Variants in GREB1 observed in about 807,000 individuals in gnomAD.
GREB1 encodes the protein growth regulating estrogen receptor binding 1.
GREB1 carries 106 observed loss-of-function variants against 200.7 expected under a neutral mutation model. That is an observed-to-expected ratio of 0.53 (90% CI 0.45 to 0.62). The LOEUF is 0.62. Ranked by LOEUF, GREB1 falls within the 20% of genes least tolerant of loss-of-function variation. The pLI is 0.00. For synonymous variants in GREB1, 1,132 were observed against 1,092.4 expected, an observed-to-expected ratio of 1.04 and a Z score of -0.72; for missense variants, 2,243 against 2,556.8, an observed-to-expected ratio of 0.88 and a Z score of 2.65.
chr2:11,571,708 A>G (rs948308221), intron 4 of GREB1, among the ~76,000 whole-genome samples: 1 of 151,842 alleles, frequency 6.6e-6, no homozygotes, highest in African/African-American at 2.4e-5. Flanking sequence ...TTAATGAACC[A>G]TGCATTTTTT....
chr2:11,498,455 A>G (rs925201442), intron 1 of GREB1, among the ~76,000 whole-genome samples: 4 of 152,186 alleles, frequency 2.6e-5, no homozygotes, highest in Non-Finnish European at 4.4e-5. Flanking sequence ...ATATATAGGG[A>G]CACAACAGTA....
At chr2:11,608,297 C>T (rs563914510) in intron 17 of GREB1, among the ~76,000 whole-genome samples, 3 of 152,222 alleles carry the variant, frequency 2.0e-5, no homozygotes, top group Non-Finnish European at 2.9e-5. Context: ...GATTTTTAAC[C>T]ATATAGAATA....
chr2:11,557,673 T>C (rs1482890047), intron 2 of GREB1, among the ~76,000 whole-genome samples: 1 of 152,194 alleles, frequency 6.6e-6, no homozygotes, highest in Non-Finnish European at 1.5e-5. Context: ...GATAGTTGCT[T>C]ATTCTAGCAG....
chr2:11,550,761 C>T (rs541225481), intron 1 of GREB1, among the ~76,000 whole-genome samples: 2 of 152,284 alleles, frequency 1.3e-5, no homozygotes, highest in South Asian at 2.1e-4. Context: ...TCTTGTCTGC[C>T]GTGATTTTCT....
rs973650792 is a variant in GREB1, at chr2:11,633,975, C to T, written c.4992-156C>T. Among the ~76,000 whole-genome samples the T allele has an allele frequency of 6.6e-6, 1 of 152,238 alleles. No individual in the cohort carries two copies. Among genetic ancestry groups the T allele is most frequent in the African/African-American group, 2.4e-5 (1 of 41,458 alleles). ...CAGAAATGAGCGCCCGTGGGAAGCG[C>T]CCAGCAGGGTGCCTGGCCCTGGGGG... On this transcript the variant is annotated intron_variant, in intron 28 of 32. Transcript: ENST00000381486. This position sits in a 1 kb window ranked among gnomAD's most constrained non-coding sequence, Gnocchi z 4.1.
chr2:11,556,820 A>C (rs772610437), intron 2 of GREB1, 49 bp downstream of exon 2: 1 of 1,404,346 alleles, frequency 7.1e-7, no homozygotes. Context: ...TATTGTGCGC[A>C]GTTAATGTTA....
chr2:11,545,341 A>G (rs750331900), intron 1 of GREB1, among the ~76,000 whole-genome samples: 39 of 152,108 alleles, frequency 2.6e-4, no homozygotes, highest in Non-Finnish European at 4.9e-4. Context: ...CATGTTGGCC[A>G]GGCTGGTCTC....
chr2:11,623,362 C>T (rs1447451484), intron 23 of GREB1, among the ~76,000 whole-genome samples: 1 of 152,188 alleles, frequency 6.6e-6, no homozygotes, highest in East Asian at 1.9e-4. Context: ...ATAGTATACA[C>T]CTTCTACTTA....
At position 11,548,628 on chromosome 2, in the gene GREB1, C is replaced by T. The variant is rs992788224; in HGVS notation, c.-161-7826C>T. On this transcript the variant is annotated intron_variant, in intron 1 of 32. Transcript: ENST00000381486. This position sits in a 1 kb window ranked among gnomAD's most constrained non-coding sequence, Gnocchi z 5.1. ...ATTAAATCTGTTGCCCTGTTTTCTT[C>T]TTGGAGGCCTCCTTCCTGGAGCCTT... Among the ~76,000 whole-genome samples the T allele has an allele frequency of 1.1e-4, 17 of 152,092 alleles. No individual in the cohort carries two copies. Among genetic ancestry groups the T allele is most frequent in the African/African-American group, 4.1e-4 (17 of 41,388 alleles).
rs1374518669 is a variant in GREB1, at chr2:11,563,591, G to A, written c.277+1009G>A. On this transcript the variant is annotated intron_variant, in intron 3 of 32. Transcript: ENST00000381486. Reference sequence around the variant, plus strand: ...CTTGGGCATCAGACACAACTGGAACGTGCAGGCCATGCTGCTTAGCAGATA... The same window carrying A: ...CTTGGGCATCAGACACAACTGGAACATGCAGGCCATGCTGCTTAGCAGATA... Among the ~76,000 whole-genome samples, 5 of 152,334 alleles carry A rather than the reference G, an allele frequency of 3.3e-5. No individual in the cohort carries two copies. In the East Asian group the frequency reaches 5.8e-4, roughly 18 times the overall value.
Position 11,556,646 on chromosome 2 carries a change from C to T in GREB1, c.32C>T (p.Thr11Met), listed in dbSNP as rs1051864098. The T allele has an allele frequency of 5.0e-6, 8 of 1,613,198 alleles. No homozygotes were observed. The highest frequency in any genetic ancestry group is 1.6e-4 in the Middle Eastern group (1 of 6,078). The change falls in exon 2 of 33, where the codon ACG becomes ATG. Residue 11 changes from threonine (T) to methionine (M), a missense_variant. By Grantham distance (81) the Thr-to-Met change is moderately conservative. Transcript: ENST00000381486. ...AATTCTTACGCTGGACAGCTGAAGACGACACGCTTTGAAGAGGTCTTGCAC... is the reference window on the plus strand; with the variant it reads ...AATTCTTACGCTGGACAGCTGAAGATGACACGCTTTGAAGAGGTCTTGCAC... MGNSYAGQLK[T>M]TRFEEVLHNS... is the part of the protein sequence containing the mutation.
In GREB1 at chr2:11,618,334, C is replaced by T. The variant is rs994817016; in HGVS notation, c.3459C>T (p.Pro1153=). 1 of 1,604,200 alleles carries T rather than the reference C, an allele frequency of 6.2e-7. No homozygotes were observed. Among genetic ancestry groups the T allele is most frequent in the African/African-American group, 1.3e-5 (1 of 74,462 alleles). The change falls in exon 22 of 33, where the codon CCC becomes CCT. Residue 1153 remains proline, a synonymous_variant. Coordinates refer to ENST00000381486, the MANE Select transcript of GREB1 (RefSeq NM_014668.4). ...CCTCGGCTCAGCCCACAGCACTCCC[C>T]CAGGGAGAGCATGCCAGGTCGCCCC... ...GESSAQPTAL[P]QGEHARSPQP... is the part of the protein sequence containing the mutation.
chr2:11,483,685 GGGGTGTGTGTGTGTGTGTGT>G (rs1672573668), intron 1 of GREB1, among the ~76,000 whole-genome samples: 1 of 102,032 alleles, frequency 9.8e-6, no homozygotes, highest in African/African-American at 4.0e-5. Context: ...AGTACAAGAA[GGGGTGTGTGTGTGTGTGTGT>G]GTGTGTGTGT....
chr2:11,577,119 G>A (rs150736314), intron 5 of GREB1, among the ~76,000 whole-genome samples: 1 of 152,256 alleles, frequency 6.6e-6, no homozygotes, highest in Non-Finnish European at 1.5e-5. Context: ...AAGTATTTGG[G>A]GCAGTGGTTC....
intron 1 of GREB1, among the ~76,000 whole-genome samples, chr2:11,552,748 AC>A (rs1286899945): frequency 6.6e-6 from 1 of 152,040 alleles, no homozygotes; most frequent in Non-Finnish European, 1.5e-5. Flanking sequence ...GCGGTGGCTC[AC>A]GCCTGTAATC....
At chr2:11,552,750 G>A (rs540685094) in intron 1 of GREB1, among the ~76,000 whole-genome samples, 4 of 151,936 alleles carry the variant, frequency 2.6e-5, no homozygotes, top group Non-Finnish European at 5.9e-5. Context: ...GGTGGCTCAC[G>A]CCTGTAATCC....
intron 4 of GREB1, among the ~76,000 whole-genome samples, chr2:11,569,828 T>C (rs1382147542): frequency 6.6e-6 from 1 of 152,090 alleles, no homozygotes; most frequent in East Asian, 1.9e-4. Context: ...CGTGGCACAC[T>C]GGAGAGGTGG....
chr2:11,613,143 A>G (rs1467581514), intron 19 of GREB1, among the ~76,000 whole-genome samples: 1 of 152,158 alleles, frequency 6.6e-6, no homozygotes, highest in Non-Finnish European at 1.5e-5. Flanking sequence ...GTCCCTCTGA[A>G]TCCATCACAG....
intron 1 of GREB1, among the ~76,000 whole-genome samples, chr2:11,539,590 C>T (rs899538378): frequency 1.3e-5 from 2 of 152,208 alleles, no homozygotes; most frequent in African/African-American, 4.8e-5. Flanking sequence ...ACTGTGGCTC[C>T]AGTCCAAGTA....
Sources: allele counts gnomAD v4.1 joint callset (sites outside exome capture counted in the v4.1 genomes callset), GRCh38; gene constraint gnomAD v4.1.1; non-coding constraint Gnocchi (gnomAD v3.1); transcripts MANE v1.5; gene names NCBI Gene and HGNC (gene_info 2026-07-23, HGNC 2026-07-21).